The following EML5 variants were observed in gnomAD, a reference collection of about 807,000 sequenced individuals.
EML5 encodes the protein echinoderm microtubule-associated protein-like 5.
A neutral mutation model predicts 250.0 loss-of-function variants in EML5; 120 were observed. That is an observed-to-expected ratio of 0.48 (90% CI 0.41 to 0.56). The LOEUF (loss-of-function observed/expected upper bound fraction) is 0.56. Ranked by LOEUF, EML5 falls within the 20% of genes least tolerant of loss-of-function variation. The pLI is 0.00. For synonymous variants in EML5, 771 were observed against 806.5 expected (o/e 0.96, Z 0.75); for missense variants, 2,006 against 2,437.6 (o/e 0.82, Z 3.73).
intron 33 of EML5, among the ~76,000 whole-genome samples, chr14:88,628,180 T>G (rs1440164550): frequency 6.6e-6 from 1 of 152,124 alleles, no homozygotes; most frequent in Non-Finnish European, 1.5e-5. Flanking sequence ...ACTATACAAA[T>G]ATTAAACAAT....
intron 6 of EML5, among the ~76,000 whole-genome samples, chr14:88,737,136 A>G (rs768855391): frequency 6.6e-6 from 1 of 152,122 alleles, no homozygotes; most frequent in South Asian, 2.1e-4. Context: ...GAACTCACCA[A>G]ACAGTGAGTA....
chr14:88,622,740 A>C, intron 36 of EML5, 22 bp from the exon 37 acceptor site: 1 of 1,541,862 alleles, frequency 6.5e-7, no homozygotes, highest in East Asian at 2.3e-5. Flanking sequence ...ACCAAGCCAG[A>C]GTAAGTGTTC....
intron 1 of EML5, among the ~76,000 whole-genome samples, chr14:88,761,786 T>C (rs927935751): frequency 1.3e-5 from 2 of 152,218 alleles, no homozygotes; most frequent in Admixed American, 6.5e-5. Context: ...TCTTCCACAA[T>C]GGTTGAACGA....
At chr14:88,707,679 C>A (rs2093341608) in intron 10 of EML5, among the ~76,000 whole-genome samples, 1 of 152,076 alleles carries the variant, frequency 6.6e-6, no homozygotes, top group Non-Finnish European at 1.5e-5. Context: ...GAGATAGAAT[C>A]AAAACTCATC....
chr14:88,713,706 T>C (rs1414396716), intron 9 of EML5, among the ~76,000 whole-genome samples: 2 of 151,442 alleles, frequency 1.3e-5, no homozygotes, highest in African/African-American at 2.4e-5. Context: ...TCCTTCCACT[T>C]TGGCCTCCCA....
At chr14:88,684,452 G>T (rs139473497) in intron 20 of EML5, among the ~76,000 whole-genome samples, 19 of 145,866 alleles carry the variant, frequency 1.3e-4, no homozygotes, top group African/African-American at 4.6e-4. Flanking sequence ...TTACAGGCGT[G>T]AGCCACCGCG....
intron 1 of EML5, among the ~76,000 whole-genome samples, chr14:88,760,731 T>TA (rs1244677901): frequency 2.6e-5 from 4 of 152,298 alleles, no homozygotes; most frequent in Non-Finnish European, 5.9e-5. Context: ...ATTATATCTA[T>TA]AAAAAACTTT....
chr14:88,616,296 G>T, intron 42 of EML5, 54 bp from the exon 43 acceptor site: 2 of 1,527,274 alleles, frequency 1.3e-6, no homozygotes, highest in South Asian at 1.1e-5. Context: ...AGAAGTCAAA[G>T]GCTCTTATTA....
At chr14:88,677,638 C>A (rs2092625276) in intron 21 of EML5, among the ~76,000 whole-genome samples, 1 of 152,204 alleles carries the variant, frequency 6.6e-6, no homozygotes, top group Non-Finnish European at 1.5e-5. Context: ...GGGCAAAGGA[C>A]ATAAGCAGAC....
intron 11 of EML5, 23 bp from the exon 12 acceptor site, chr14:88,705,611 G>T: frequency 6.7e-7 from 1 of 1,502,178 alleles, no homozygotes; most frequent in Non-Finnish European, 9.1e-7. Flanking sequence ...AAAATGAAAT[G>T]TTACTTGTTT....
chr14:88,621,091 T>A (rs1567018796), intron 38 of EML5, 22 bp downstream of exon 38: 1 of 1,599,204 alleles, frequency 6.3e-7, no homozygotes, highest in Non-Finnish European at 8.5e-7. Context: ...TAACCTCTTT[T>A]AAAAAAATTA....
At chr14:88,630,067 G>A (rs1458941309) in intron 33 of EML5, among the ~76,000 whole-genome samples, 1 of 85,540 alleles carries the variant, frequency 1.2e-5, no homozygotes, top group Non-Finnish European at 2.1e-5. Flanking sequence ...TTTCGCTCTT[G>A]TTGCCCAGGC....
chr14:88,657,391 G>T lies in EML5; in HGVS notation c.3989C>A (p.Pro1330His). 6.3e-7 allele frequency: 1 copy of T among 1,576,542 alleles called. No individual in the cohort carries two copies. The highest frequency in any genetic ancestry group is 2.3e-5 in the East Asian group (1 of 43,880). ...AAATTATTACCTTTCATCAATTGAG[G>T]GTTCTTTTTGTTGTAAATGAGGCTT... ...GIKPHLQQKE[P>H]SIDERQGVVR... The change falls in exon 27 of 44, where the codon CCC (proline) becomes CAC (histidine). Residue 1330 changes from proline to histidine, a missense_variant. Pro to His is a moderately conservative substitution (Grantham distance 77). Coordinates refer to ENST00000554922, the MANE Select transcript of EML5 (RefSeq NM_183387.3).
rs148542806 is a variant in EML5 at position 88,717,462 on chromosome 14, G to A, written c.1188-2267C>T. On this transcript the variant is annotated intron_variant, in intron 8 of 43. Transcript: ENST00000554922. ...GTCAAATCACTGATTTGGTTCCAACGTAAAAAACAAATAAGGCTGGGTGTG... is the reference window on the plus strand; with the variant it reads ...GTCAAATCACTGATTTGGTTCCAACATAAAAAACAAATAAGGCTGGGTGTG... 1.4e-3 allele frequency among the ~76,000 whole-genome samples: 212 copies of A among 152,170 alleles called. 1 individual carries two copies. Among genetic ancestry groups the A allele is most frequent in the African/African-American group, 5.0e-3 (206 of 41,524 alleles).
chr14:88,637,325 A>G (rs1377553493), intron 32 of EML5, among the ~76,000 whole-genome samples: 1 of 152,198 alleles, frequency 6.6e-6, no homozygotes, highest in African/African-American at 2.4e-5. Flanking sequence ...GAGGAGGGAT[A>G]TAATTAAACA....
chr14:88,778,680 G>A (rs2094469716), intron 1 of EML5, among the ~76,000 whole-genome samples: 1 of 152,254 alleles, frequency 6.6e-6, no homozygotes, highest in Admixed American at 6.5e-5. Context: ...TCAGGAGGCT[G>A]AGGCAGAGGA....
intron 15 of EML5, 54 bp downstream of exon 15, chr14:88,696,793 T>C (rs1299334362): frequency 4.8e-6 from 6 of 1,258,948 alleles, no homozygotes; most frequent in Non-Finnish European, 5.6e-6. Flanking sequence ...ATTAAAATGC[T>C]ATGTGTTGCC....
intron 1 of EML5, among the ~76,000 whole-genome samples, chr14:88,787,037 G>T (rs1250002439): frequency 1.3e-5 from 2 of 152,184 alleles, no homozygotes; most frequent in Admixed American, 6.5e-5. Flanking sequence ...TGGGAGAAAA[G>T]GAACTGAAGA....
intron 39 of EML5, 90 bp from the exon 40 acceptor site, chr14:88,618,902 A>G: frequency 7.3e-7 from 1 of 1,365,232 alleles, no homozygotes; most frequent in Non-Finnish European, 9.8e-7. Flanking sequence ...AGTTCTTAAA[A>G]GTAACGTGTG....
Sources: gnomAD v4.1 joint callset for allele counts (sites outside exome capture counted in the v4.1 genomes callset) on GRCh38, gnomAD v4.1.1 for gene constraint, MANE v1.5 for transcripts, NCBI Gene and HGNC (gene_info 2026-07-23, HGNC 2026-07-21) for gene names.